MLIP: variants seen among roughly 807,000 people sequenced by gnomAD.
MLIP encodes the protein muscular LMNA interacting protein.
MLIP carries 79 observed loss-of-function variants against 84.8 expected under a neutral mutation model. That is an observed-to-expected ratio of 0.93 (90% confidence interval 0.78 to 1.12). The LOEUF (loss-of-function observed/expected upper bound fraction) is 1.12. Among genes scored for constraint, MLIP ranks in the 50% most tolerant of loss-of-function variants. MLIP has a pLI of 0.00. For synonymous variants in MLIP, 504 were observed against 463.0 expected, an observed-to-expected ratio of 1.09 and a Z score of -1.14; for missense variants, 1,257 against 1,160.6, an observed-to-expected ratio of 1.08 and a Z score of -1.21.
At chr6:54,123,147 G>T (rs1403791975) in intron 2 of MLIP, among the ~76,000 whole-genome samples, 1 of 148,954 alleles carries the variant, frequency 6.7e-6, no homozygotes, top group Non-Finnish European at 1.5e-5. Context: ...TTGTTAGCCA[G>T]GATGATCTCG....
chr6:54,035,315 A>G (rs1044937279), intron 1 of MLIP, among the ~76,000 whole-genome samples: 2 of 152,120 alleles, frequency 1.3e-5, no homozygotes, highest in East Asian at 3.8e-4. Flanking sequence ...GTTTCTGAGT[A>G]TTATTCCATG....
At chr6:54,048,373 G>A (rs1331523457) in intron 1 of MLIP, among the ~76,000 whole-genome samples, 1 of 152,152 alleles carries the variant, frequency 6.6e-6, no homozygotes, top group Non-Finnish European at 1.5e-5. Context: ...CAGATACAGG[G>A]CTGGGAAGAT....
intron 1 of MLIP, among the ~76,000 whole-genome samples, chr6:54,091,336 CTTAA>C (rs1364385829): frequency 7.9e-5 from 12 of 152,264 alleles, no homozygotes; most frequent in Non-Finnish European, 1.0e-4. Flanking sequence ...TCTACAGCCA[CTTAA>C]TTAAATATGG....
At chr6:54,093,590 G>A (rs992278684) in intron 1 of MLIP, among the ~76,000 whole-genome samples, 14 of 152,074 alleles carry the variant, frequency 9.2e-5, no homozygotes, top group Admixed American at 6.6e-4. Context: ...AACACAAGTG[G>A]AATTTCAAAT....
At chr6:54,186,585 G>T (rs1777417647) in intron 9 of MLIP, among the ~76,000 whole-genome samples, 1 of 152,188 alleles carries the variant, frequency 6.6e-6, no homozygotes. Flanking sequence ...ATAATCATGG[G>T]AGAAAATGAA....
chr6:54,188,725 T>C (rs1777634260), intron 9 of MLIP, among the ~76,000 whole-genome samples: 3 of 152,102 alleles, frequency 2.0e-5, no homozygotes, highest in African/African-American at 7.2e-5. Context: ...TTTGAAGAGA[T>C]AGTCATGTAG....
At chr6:54,024,670 T>G (rs1177133428) in intron 1 of MLIP, among the ~76,000 whole-genome samples, 1 of 152,204 alleles carries the variant, frequency 6.6e-6, no homozygotes, top group African/African-American at 2.4e-5. Context: ...TATGATATAA[T>G]AATGATAGGT....
At chr6:54,197,155 T>TA (rs1282391970) in intron 10 of MLIP, among the ~76,000 whole-genome samples, 8 of 152,030 alleles carry the variant, frequency 5.3e-5, no homozygotes, top group African/African-American at 1.9e-4. Flanking sequence ...AGCACCCTTG[T>TA]AGGCATTGCT....
At chr6:54,192,127 A>G (rs1182565496) in intron 10 of MLIP, among the ~76,000 whole-genome samples, 2 of 152,166 alleles carry the variant, frequency 1.3e-5, no homozygotes, top group East Asian at 1.9e-4. Flanking sequence ...GCAAAACTAC[A>G]AAGCATTGCT....
chr6:54,044,645 T>G (rs1428017853), intron 1 of MLIP, among the ~76,000 whole-genome samples: 2 of 152,170 alleles, frequency 1.3e-5, no homozygotes, highest in East Asian at 1.9e-4. Context: ...CGTTTTTTTT[T>G]TTTTCTTCAA....
rs190850995 is a variant in MLIP at position 54,219,829 on chromosome 6, G to A, written c.2719-10885G>A. Among the ~76,000 whole-genome samples the A allele has an allele frequency of 6.8e-4, 103 of 152,292 alleles. No individual in the cohort carries two copies. The East Asian group carries it at 0.017, about 26-fold the overall frequency. ...CCTTTCTAACTTGGGGTGATGGACA[G>A]TGAGCCCTCAGTTGGCCATTCCTTA... is the stretch of plus-strand genomic sequence containing the variant. On this transcript the variant is annotated intron_variant, in intron 11 of 13. Transcript: ENST00000502396.
intron 1 of MLIP, among the ~76,000 whole-genome samples, chr6:54,093,157 A>G (rs1045397054): frequency 6.6e-6 from 1 of 151,652 alleles, no homozygotes; most frequent in African/African-American, 2.4e-5. Flanking sequence ...GATTCTAGGT[A>G]TAAGCCACCA....
At chr6:54,219,899 C>T (rs186978325) in intron 11 of MLIP, among the ~76,000 whole-genome samples, 100 of 152,214 alleles carry the variant, frequency 6.6e-4, no homozygotes, top group African/African-American at 2.1e-3. Context: ...GTTAGCTAGA[C>T]ATACGATTTA....
chr6:54,084,331 A>G lies in MLIP; in HGVS notation c.64-37116A>G, dbSNP rs548085961. Among the ~76,000 whole-genome samples the G allele has an allele frequency of 1.2e-4, 19 of 152,232 alleles. No homozygotes were observed. The East Asian group carries it at 3.7e-3, about 29-fold the overall frequency. On this transcript the variant is annotated intron_variant, in intron 1 of 12. Coordinates refer to the MLIP transcript ENST00000274897. ...ATCCACAGTAGTAATTGAAGATAAC[A>G]ATTTTGTTTATGGTGCTGAACATGA...
In MLIP at chr6:54,162,930, T is replaced by C. The variant is rs76998961; in HGVS notation, c.2499+2131T>C. On this transcript the variant is annotated intron_variant, in intron 8 of 13. Coordinates refer to ENST00000502396, the MANE Select transcript of MLIP (RefSeq NM_001281747.2). Reference sequence around the variant, plus strand: ...GCAAATGAGAATGAAAAGGCTTTTATGGTGAGGAAAATCAGAGCAATGTGA... The same window carrying C: ...GCAAATGAGAATGAAAAGGCTTTTACGGTGAGGAAAATCAGAGCAATGTGA... Among the ~76,000 whole-genome samples, 366 of 152,052 alleles carry C rather than the reference T, an allele frequency of 2.4e-3. 1 individual carries two copies. Among genetic ancestry groups the C allele is most frequent in the African/African-American group, 8.2e-3 (342 of 41,524 alleles).
At chr6:54,188,294 T>A (rs1481461559) in intron 9 of MLIP, among the ~76,000 whole-genome samples, 1 of 152,176 alleles carries the variant, frequency 6.6e-6, no homozygotes, top group Non-Finnish European at 1.5e-5. Context: ...TAAATTAACC[T>A]TAGCTTACTG....
intron 13 of MLIP, among the ~76,000 whole-genome samples, chr6:54,258,177 GA>G (rs1467842923): frequency 6.6e-6 from 1 of 151,960 alleles, no homozygotes; most frequent in Middle Eastern, 3.2e-3. Context: ...CCTCACAAAA[GA>G]AGTATGCTTA....
At position 54,062,968 on chromosome 6, in the gene MLIP, C is replaced by T. The variant is rs185942421; in HGVS notation, c.63+43877C>T. The stretch of plus-strand genomic sequence containing the variant: ...CTGTAATCCCAGCACTTTGGGAGGC[C>T]GAGGCGGGTGGATTACTTGAGGTCG... On this transcript the variant is annotated intron_variant, in intron 1 of 12. Transcript: ENST00000274897. Among the ~76,000 whole-genome samples, 50 of 151,890 alleles carry T rather than the reference C, an allele frequency of 3.3e-4. 1 individual carries two copies. Among genetic ancestry groups the T allele is most frequent in the Middle Eastern group, 3.4e-3 (1 of 292 alleles).
At chr6:54,262,267 T>C (rs909278376) in intron 13 of MLIP, among the ~76,000 whole-genome samples, 9 of 152,028 alleles carry the variant, frequency 5.9e-5, no homozygotes, top group African/African-American at 1.7e-4. Context: ...CTTTTTGTTA[T>C]TGAATAACAT....
Sources: allele counts gnomAD v4.1 joint callset (sites outside exome capture counted in the v4.1 genomes callset), GRCh38; gene constraint gnomAD v4.1.1; transcripts MANE v1.5; gene names NCBI Gene and HGNC (gene_info 2026-07-23, HGNC 2026-07-21).